Variants in CNTNAP2 observed in about 807,000 individuals in gnomAD.
The protein encoded by CNTNAP2 is contactin associated protein 2, also known as contactin-associated protein-like 2.
A neutral mutation model predicts 155.2 loss-of-function variants in CNTNAP2; 98 were observed. The ratio of observed to expected loss-of-function variants is 0.63; its 90% CI spans 0.54 to 0.75. The LOEUF (loss-of-function observed/expected upper bound fraction) is 0.75. Among genes scored for constraint, CNTNAP2 ranks in the 30% least tolerant of loss-of-function variants. The pLI is 0.00. For synonymous variants in CNTNAP2, 651 were observed against 631.2 expected, an observed-to-expected ratio of 1.03 and a Z score of -0.47; for missense variants, 1,727 against 1,688.1, an observed-to-expected ratio of 1.02 and a Z score of -0.40.
At chr7:146,475,198 T>C (rs1796860344) in intron 1 of CNTNAP2, among the ~76,000 whole-genome samples, 1 of 152,204 alleles carries the variant, frequency 6.6e-6, no homozygotes. Context: ...TCTAATATAT[T>C]GGGTATGTTT....
intron 4 of CNTNAP2, among the ~76,000 whole-genome samples, chr7:147,104,725 T>A (rs936036873): frequency 6.6e-6 from 1 of 150,560 alleles, no homozygotes; most frequent in South Asian, 2.1e-4. Context: ...TAATAAAAAA[T>A]TTTAATTAAA....
chr7:147,793,869 G>A (rs13237908), intron 13 of CNTNAP2, among the ~76,000 whole-genome samples: 2,586 of 151,934 alleles, frequency 0.017, 37 homozygotes, highest in Non-Finnish European at 0.027. Flanking sequence ...TTAAAGTATA[G>A]GTTTGTGCCC....
intron 19 of CNTNAP2, among the ~76,000 whole-genome samples, chr7:148,222,604 C>T (rs964062412): frequency 1.1e-5 from 1 of 91,750 alleles, no homozygotes. Flanking sequence ...ACAGAGTCCT[C>T]ATGATCCAAT....
intron 15 of CNTNAP2, among the ~76,000 whole-genome samples, chr7:148,099,074 A>G (rs1804037107): frequency 6.6e-6 from 1 of 152,212 alleles, no homozygotes; most frequent in African/African-American, 2.4e-5. Context: ...GAGTAGCTGC[A>G]TTCTTTTGTG....
At chr7:146,566,541 A>G (rs921065172) in intron 1 of CNTNAP2, among the ~76,000 whole-genome samples, 8 of 151,922 alleles carry the variant, frequency 5.3e-5, no homozygotes, top group Non-Finnish European at 8.8e-5. Context: ...TAAAATTACA[A>G]AACAAATTAG....
At chr7:148,221,735 C>A (rs142771103) in intron 19 of CNTNAP2, among the ~76,000 whole-genome samples, 23 of 152,280 alleles carry the variant, frequency 1.5e-4, no homozygotes, top group African/African-American at 5.5e-4. Flanking sequence ...CCTCCAGAAC[C>A]AGCTGCCCCC....
At chr7:148,143,417 G>C (rs1805114119) in intron 16 of CNTNAP2, among the ~76,000 whole-genome samples, 5 of 152,204 alleles carry the variant, frequency 3.3e-5, no homozygotes, top group African/African-American at 9.6e-5. Context: ...GGTGGCTCAT[G>C]CCTGTAATCC....
intron 15 of CNTNAP2, among the ~76,000 whole-genome samples, chr7:148,007,876 A>G (rs957553358): frequency 4.6e-5 from 7 of 152,176 alleles, no homozygotes; most frequent in African/African-American, 1.7e-4. Flanking sequence ...TCCTGGCCTA[A>G]AAAGGTATCT....
chr7:146,246,622 C>T (rs186566420), intron 1 of CNTNAP2, among the ~76,000 whole-genome samples: 6 of 151,538 alleles, frequency 4.0e-5, no homozygotes, highest in Middle Eastern at 3.4e-3. Flanking sequence ...AGGGGGCTTC[C>T]GAGGCGATCC....
intron 11 of CNTNAP2, among the ~76,000 whole-genome samples, chr7:147,526,140 C>T (rs1012321750): frequency 2.0e-5 from 3 of 147,792 alleles, no homozygotes; most frequent in Non-Finnish European, 4.5e-5. Context: ...TGAAGTGAGC[C>T]GAGATCACCC....
intron 1 of CNTNAP2, among the ~76,000 whole-genome samples, chr7:146,744,477 A>C (rs1801777023): frequency 6.6e-6 from 1 of 152,156 alleles, no homozygotes; most frequent in South Asian, 2.1e-4. Flanking sequence ...TTTAATTAGC[A>C]AGTATTTGCC....
At chr7:146,198,596 C>T (rs73739529) in intron 1 of CNTNAP2, among the ~76,000 whole-genome samples, 5,038 of 152,194 alleles carry the variant, frequency 0.033, 279 homozygotes, top group African/African-American at 0.12. Flanking sequence ...CAACCATCTA[C>T]GTTATGGTAT....
chr7:146,693,949 T>C (rs568526011), intron 1 of CNTNAP2, among the ~76,000 whole-genome samples: 30 of 152,104 alleles, frequency 2.0e-4, no homozygotes, highest in Non-Finnish European at 4.0e-4. Flanking sequence ...TGCGTTTTCA[T>C]TGTTCAGCTC....
At chr7:146,606,820 C>A (rs572062766) in intron 1 of CNTNAP2, among the ~76,000 whole-genome samples, 1 of 152,276 alleles carries the variant, frequency 6.6e-6, no homozygotes, top group African/African-American at 2.4e-5. Flanking sequence ...CTCATTTACT[C>A]TCAACAAGTG....
intron 8 of CNTNAP2, among the ~76,000 whole-genome samples, chr7:147,223,503 G>A (rs1479248640): frequency 6.6e-6 from 1 of 152,112 alleles, no homozygotes; most frequent in African/African-American, 2.4e-5. Context: ...CCTGTCCTCG[G>A]CTTTATACCC....
chr7:147,603,205 G>A lies in CNTNAP2; in HGVS notation c.1898-35901G>A, dbSNP rs1184641825. 2.6e-5 allele frequency among the ~76,000 whole-genome samples: 4 copies of A among 152,058 alleles called. No individual in the cohort carries two copies. The East Asian group carries it at 7.7e-4, about 29-fold the overall frequency. ...AACTGGTGTGAGATGGTATCTCACT[G>A]TGGTTTTGATTTGCATTTCTCTGAT... On this transcript the variant is annotated intron_variant, in intron 12 of 23. Transcript: ENST00000361727.
At chr7:147,216,881 A>G (rs192150033) in intron 8 of CNTNAP2, among the ~76,000 whole-genome samples, 643 of 152,144 alleles carry the variant, frequency 4.2e-3, no homozygotes, top group Non-Finnish European at 5.7e-3. Flanking sequence ...AGTTTACCTC[A>G]TATTAATTTT....
chr7:147,375,855 G>C (rs940412173), intron 9 of CNTNAP2, among the ~76,000 whole-genome samples: 5 of 152,010 alleles, frequency 3.3e-5, no homozygotes, highest in Non-Finnish European at 7.4e-5. Context: ...TGAGTTTTCA[G>C]AGGCAGAGGA....
At chr7:147,391,490 C>A (rs1345118258) in intron 9 of CNTNAP2, among the ~76,000 whole-genome samples, 1 of 152,032 alleles carries the variant, frequency 6.6e-6, no homozygotes, top group Non-Finnish European at 1.5e-5. Flanking sequence ...GGTGGTGTTA[C>A]CTCCAATATA....
Sources: allele counts gnomAD v4.1 joint callset (sites outside exome capture counted in the v4.1 genomes callset), GRCh38; gene constraint gnomAD v4.1.1; transcripts MANE v1.5; gene names NCBI Gene and HGNC (gene_info 2026-07-23, HGNC 2026-07-21).